Variants in ACSM1 observed in about 807,000 individuals in gnomAD.
ACSM1 encodes the protein acyl-CoA synthetase medium chain family member 1.
Under a neutral mutation model 75.8 loss-of-function variants are expected in ACSM1, and 79 were observed. That is an observed-to-expected ratio of 1.04 (90% CI 0.87 to 1.26). ACSM1 has a LOEUF of 1.26. ACSM1 is among the 50% of genes most tolerant of loss of function. The probability of loss-of-function intolerance (pLI) is 0.00; values close to 1 mark genes in which losing one functional copy is unlikely to be tolerated. For synonymous variants in ACSM1, 279 were observed against 265.8 expected, an observed-to-expected ratio of 1.05 and a Z score of -0.48; for missense variants, 676 against 720.1, an observed-to-expected ratio of 0.94 and a Z score of 0.70.
intron 7 of ACSM1, among the ~76,000 whole-genome samples, chr16:20,657,561 G>A (rs536768045): frequency 6.6e-5 from 10 of 151,728 alleles, no homozygotes; most frequent in East Asian, 5.8e-4. Context: ...CACCCACCTC[G>A]GCCTCCCAAA....
chr16:20,644,748 C>T (rs1215541987), intron 7 of ACSM1, among the ~76,000 whole-genome samples: 3 of 152,146 alleles, frequency 2.0e-5, no homozygotes, highest in Non-Finnish European at 2.9e-5. Context: ...TTAGACTAAA[C>T]AAGGTCTTAT....
At chr16:20,657,318 G>T (rs938649250) in intron 7 of ACSM1, among the ~76,000 whole-genome samples, 3 of 151,460 alleles carry the variant, frequency 2.0e-5, no homozygotes, top group South Asian at 2.1e-4. Flanking sequence ...TTTGTTTTTT[G>T]TTTTTTTCAC....
At chr16:20,627,870 ATATATATATATATAT>A (rs2152186908) in intron 10 of ACSM1, among the ~76,000 whole-genome samples, 1 of 2,212 alleles carries the variant, frequency 4.5e-4, no homozygotes, top group East Asian at 0.017. Flanking sequence ...GTATGTATAC[ATATATATATATATAT>A]ATATATATAT....
intron 2 of ACSM1, among the ~76,000 whole-genome samples, chr16:20,687,456 A>C (rs961706400): frequency 6.6e-6 from 1 of 152,194 alleles, no homozygotes; most frequent in African/African-American, 2.4e-5. Flanking sequence ...AAGCCTTCAC[A>C]CTATGAAGAT....
At chr16:20,660,190 A>C (rs1235027197) in intron 7 of ACSM1, among the ~76,000 whole-genome samples, 2 of 152,204 alleles carry the variant, frequency 1.3e-5, no homozygotes, top group East Asian at 3.8e-4. Context: ...ATGTGATATA[A>C]AGTCTCTTGT....
In ACSM1 at chr16:20,685,175, C is replaced by G. The variant is rs1169594494; in HGVS notation, c.403+18G>C. On this transcript the variant is annotated intron_variant, in intron 3 of 13. Transcript: ENST00000520010. Reference sequence around the variant, plus strand: ...AGAACAGCCCCGAGGTCCACCAGGTCCCTCTTGCATCACTGACCTGTTCGC... The same window carrying G: ...AGAACAGCCCCGAGGTCCACCAGGTGCCTCTTGCATCACTGACCTGTTCGC... 7 of 1,613,782 alleles carry G rather than the reference C, an allele frequency of 4.3e-6. No homozygotes were observed. The highest frequency in any genetic ancestry group is 5.9e-6 in the Non-Finnish European group (7 of 1,179,768).
chr16:20,663,095 G>T (rs1240116414), intron 6 of ACSM1, among the ~76,000 whole-genome samples: 1 of 152,048 alleles, frequency 6.6e-6, no homozygotes, highest in Non-Finnish European at 1.5e-5. Flanking sequence ...TGTGCCAAAG[G>T]GTGGAAGGCT....
At chr16:20,683,922 A>G (rs2079500274) in intron 3 of ACSM1, among the ~76,000 whole-genome samples, 1 of 151,940 alleles carries the variant, frequency 6.6e-6, no homozygotes, top group Admixed American at 6.6e-5. Context: ...ATGGCTTTTC[A>G]TCTCTATACT....
intron 9 of ACSM1, chr16:20,637,167 C>T: frequency 2.6e-6 from 2 of 763,946 alleles, no homozygotes; most frequent in Non-Finnish European, 4.8e-6. Flanking sequence ...GTGTGATGCC[C>T]TGGCTGCCAG....
intron 4 of ACSM1, 41 bp downstream of exon 4, chr16:20,682,215 A>G (rs2079460153): frequency 6.3e-7 from 1 of 1,590,050 alleles, no homozygotes; most frequent in Admixed American, 1.7e-5. Context: ...ATCCCACAAC[A>G]ACTGTACTCA....
chr16:20,670,077 T>C, intron 5 of ACSM1, 91 bp from the exon 6 acceptor site: 1 of 1,291,936 alleles, frequency 7.7e-7, no homozygotes, highest in Non-Finnish European at 1.1e-6. Flanking sequence ...GAACCCACCT[T>C]TCTCACTCTC....
rs755251780 is a variant in ACSM1 at position 20,669,839 on chromosome 16, C to G, written c.900G>C (p.Lys300Asn). ...TGAGTCTTCTTACCTGTATGATGAC[C>G]TTGGTGTCAAACTGTGGCAGATGGT... ...FIHHLPQFDTKVIIQTLLKYP... is the reference protein window; with the variant it reads ...FIHHLPQFDTNVIIQTLLKYP... The change falls in exon 6 of 14, where the codon AAG becomes AAC. Residue 300 changes from lysine to asparagine, a missense_variant. Physicochemically the swap from Lys to Asn is moderately conservative, Grantham distance 94 (BLOSUM62 0). Coordinates refer to ENST00000520010, the MANE Select transcript of ACSM1 (RefSeq NM_001318890.3). 3.7e-6 allele frequency: 6 copies of G among 1,613,808 alleles called. No individual in the cohort carries two copies. The highest frequency in any genetic ancestry group is 2.2e-5 in the South Asian group (2 of 91,066).
At chr16:20,662,654 T>C (rs1475787789) in intron 6 of ACSM1, among the ~76,000 whole-genome samples, 1 of 152,226 alleles carries the variant, frequency 6.6e-6, no homozygotes, top group East Asian at 1.9e-4. Flanking sequence ...GGAACGTCCA[T>C]ATATTCCATT....
chr16:20,693,781 C>A (rs1341703026), intron 1 of ACSM1, among the ~76,000 whole-genome samples: 1 of 152,194 alleles, frequency 6.6e-6, no homozygotes, highest in African/African-American at 2.4e-5. Flanking sequence ...AAATCTCTAA[C>A]CTAGGCCAAC....
At chr16:20,642,885 C>G (rs1184188809) in intron 7 of ACSM1, among the ~76,000 whole-genome samples, 1 of 152,186 alleles carries the variant, frequency 6.6e-6, no homozygotes, top group South Asian at 2.1e-4. Flanking sequence ...GCAGTGTGCC[C>G]TATTCCTTTA....
chr16:20,672,359 A>T (rs375619758), intron 4 of ACSM1, among the ~76,000 whole-genome samples: 1 of 143,282 alleles, frequency 7.0e-6, no homozygotes, highest in African/African-American at 2.6e-5. Flanking sequence ...GAGCCAGGAG[A>T]TTAGTTGTGA....
At chr16:20,686,243 G>A (rs2079551863) in intron 2 of ACSM1, among the ~76,000 whole-genome samples, 1 of 152,114 alleles carries the variant, frequency 6.6e-6, no homozygotes. Flanking sequence ...TCTTAGAGGT[G>A]AGGGCAGTAA....
chr16:20,685,533 T>C (rs1387736345), intron 2 of ACSM1, 130 bp from the exon 3 acceptor site: 2 of 871,456 alleles, frequency 2.3e-6, no homozygotes, highest in Non-Finnish European at 3.7e-6. Flanking sequence ...TTTTAAAACA[T>C]TTATACAGCC....
chr16:20,627,568 C>T (rs2017025938), intron 10 of ACSM1, among the ~76,000 whole-genome samples: 2 of 152,190 alleles, frequency 1.3e-5, no homozygotes, highest in East Asian at 1.9e-4. Flanking sequence ...CGGTGGCTCA[C>T]GCCTGTAATC....
Sources: gnomAD v4.1 joint callset for allele counts (sites outside exome capture counted in the v4.1 genomes callset) on GRCh38, gnomAD v4.1.1 for gene constraint, MANE v1.5 for transcripts, NCBI Gene and HGNC (gene_info 2026-07-23, HGNC 2026-07-21) for gene names.